CRYZL1: variants seen among roughly 807,000 people sequenced by gnomAD.
CRYZL1 encodes the protein crystallin zeta like 1.
A neutral mutation model predicts 50.6 loss-of-function variants in CRYZL1; 34 were observed. The ratio of observed to expected loss-of-function variants is 0.67; its 90% CI spans 0.51 to 0.89. CRYZL1 has a LOEUF of 0.89. CRYZL1 is among the 40% of genes least tolerant of loss of function. The probability of loss-of-function intolerance (pLI) is 0.00; values close to 1 mark genes in which losing one functional copy is unlikely to be tolerated. For missense variants in CRYZL1, 354 were observed against 402.3 expected, an observed-to-expected ratio of 0.88 and a Z score of 1.03; for synonymous variants, 125 against 134.3, an observed-to-expected ratio of 0.93 and a Z score of 0.48.
At chr21:33,636,973 A>AT (rs989134412) in intron 1 of CRYZL1, among the ~76,000 whole-genome samples, 5 of 152,224 alleles carry the variant, frequency 3.3e-5, no homozygotes, top group African/African-American at 9.6e-5. Flanking sequence ...CGCCCGGCTA[A>AT]TTTTTTGTAT....
chr21:33,640,218 A>G, intron 1 of CRYZL1: 1 of 1,546,810 alleles, frequency 6.5e-7, no homozygotes, highest in African/African-American at 1.4e-5. Context: ...AATCTTAGAA[A>G]TATTTCATTG....
intron 1 of CRYZL1, among the ~76,000 whole-genome samples, chr21:33,634,804 T>A (rs988364100): frequency 1.3e-5 from 2 of 151,574 alleles, no homozygotes; most frequent in African/African-American, 4.8e-5. Context: ...CCTTAGACTG[T>A]GCCCCAATTT....
intron 4 of CRYZL1, among the ~76,000 whole-genome samples, chr21:33,620,881 C>T (rs2145946698): frequency 7.1e-6 from 1 of 140,958 alleles, no homozygotes; most frequent in East Asian, 2.2e-4. Flanking sequence ...GTCGTGTACC[C>T]GTAGACCAGG....
intron 6 of CRYZL1, among the ~76,000 whole-genome samples, chr21:33,604,355 C>CAAAA (rs71194858): frequency 1.3e-4 from 9 of 69,616 alleles, no homozygotes; most frequent in Non-Finnish European, 1.8e-4. Flanking sequence ...GACTCCGTCT[C>CAAAA]AAAAAAAAAA....
intron 5 of CRYZL1, among the ~76,000 whole-genome samples, chr21:33,614,968 T>C (rs2086912320): frequency 6.6e-6 from 1 of 152,140 alleles, no homozygotes; most frequent in African/African-American, 2.4e-5. Context: ...AGAGTGCCAC[T>C]GATTTCCTGA....
chr21:33,597,140 A>G, intron 10 of CRYZL1, 140 bp downstream of exon 10: 1 of 771,608 alleles, frequency 1.3e-6, no homozygotes, highest in Non-Finnish European at 2.1e-6. Context: ...ATAGTGCTGG[A>G]CTCATAGGTG....
chr21:33,638,779 T>G (rs1411113306), intron 1 of CRYZL1, among the ~76,000 whole-genome samples: 1 of 152,154 alleles, frequency 6.6e-6, no homozygotes, highest in Non-Finnish European at 1.5e-5. Context: ...TATAAGAACT[T>G]TAGGCATTAT....
At chr21:33,610,727 GTT>G (rs747790692) in intron 6 of CRYZL1, among the ~76,000 whole-genome samples, 2 of 101,476 alleles carry the variant, frequency 2.0e-5, no homozygotes, top group Admixed American at 1.1e-4. Flanking sequence ...TTGTTTGGTT[GTT>G]TTTTTTTTTT....
chr21:33,619,338 C>A (rs1005966397), intron 4 of CRYZL1, among the ~76,000 whole-genome samples: 3 of 152,158 alleles, frequency 2.0e-5, no homozygotes, highest in African/African-American at 7.2e-5. Context: ...CCAACCAGTC[C>A]TCTTGCCTTT....
At chr21:33,636,773 T>C (rs2087211259) in intron 1 of CRYZL1, among the ~76,000 whole-genome samples, 1 of 152,182 alleles carries the variant, frequency 6.6e-6, no homozygotes, top group Non-Finnish European at 1.5e-5. Flanking sequence ...GAACTCCACT[T>C]GCTCCTCTGT....
intron 1 of CRYZL1, among the ~76,000 whole-genome samples, chr21:33,635,452 G>A (rs939051513): frequency 6.8e-6 from 1 of 146,328 alleles, no homozygotes; most frequent in African/African-American, 2.5e-5. Flanking sequence ...CTGGGTTCAC[G>A]CCATTCTCCT....
Position 33,589,881 on chromosome 21 carries a change from C to T in CRYZL1, c.991G>A (p.Val331Ile). Reference protein sequence around the residue: ...DEPIPLYEAKVSMEAVQKNQG... With the variant: ...DEPIPLYEAKISMEAVQKNQG... The stretch of plus-strand genomic sequence containing the variant: ...TTTTTCTGAACAGCTTCCATGGAAA[C>T]TTTTGCCTCATACAGTGGAATGGGT... The change falls in exon 13 of 13, where the codon GTT (valine) becomes ATT (isoleucine). Residue 331 changes from valine to isoleucine, a missense_variant. Physicochemically the swap from Val to Ile is conservative, Grantham distance 29. Transcript: ENST00000381554. 6.2e-7 allele frequency: 1 copy of T among 1,612,348 alleles called. No homozygotes were observed. Among genetic ancestry groups the T allele is most frequent in the Non-Finnish European group, 8.5e-7 (1 of 1,179,348 alleles).
intron 5 of CRYZL1, among the ~76,000 whole-genome samples, chr21:33,616,052 G>C (rs1341043089): frequency 6.6e-6 from 1 of 151,974 alleles, no homozygotes; most frequent in Non-Finnish European, 1.5e-5. Context: ...TCTAGCATTA[G>C]GTATATCTCC....
chr21:33,593,878 A>G (rs989822451), intron 11 of CRYZL1, among the ~76,000 whole-genome samples: 12 of 148,626 alleles, frequency 8.1e-5, no homozygotes, highest in Non-Finnish European at 1.6e-4. Flanking sequence ...CCAGCTACTC[A>G]GGAGGCTGAG....
chr21:33,612,569 G>A (rs1048377699), intron 6 of CRYZL1, among the ~76,000 whole-genome samples: 6 of 152,306 alleles, frequency 3.9e-5, no homozygotes, highest in Non-Finnish European at 8.8e-5. Flanking sequence ...GATCACAGGC[G>A]TGAGCCGCTG....
intron 1 of CRYZL1, chr21:33,640,092 C>T (rs907686907): frequency 6.6e-7 from 1 of 1,521,624 alleles, no homozygotes; most frequent in Non-Finnish European, 8.8e-7. Flanking sequence ...TCCCAAAGTG[C>T]TGGGATTACA....
chr21:33,640,184 T>C (rs1485264726), intron 1 of CRYZL1: 4 of 1,548,728 alleles, frequency 2.6e-6, no homozygotes, highest in East Asian at 2.5e-5. Context: ...TGTAGTTCAT[T>C]GGGTCTACAA....
chr21:33,618,414 G>A (rs1311987891), intron 4 of CRYZL1, among the ~76,000 whole-genome samples: 5 of 152,108 alleles, frequency 3.3e-5, no homozygotes, highest in Non-Finnish European at 5.9e-5. Context: ...GGAAAGGGGA[G>A]GAAAAAACTC....
At chr21:33,624,203 T>C (rs1209338332) in intron 3 of CRYZL1, among the ~76,000 whole-genome samples, 7 of 152,178 alleles carry the variant, frequency 4.6e-5, no homozygotes, top group Non-Finnish European at 8.8e-5. Context: ...ATGTCCCTTA[T>C]ATAGAAATAT....
Sources: gnomAD v4.1 joint callset for allele counts (sites outside exome capture counted in the v4.1 genomes callset) on GRCh38, gnomAD v4.1.1 for gene constraint, MANE v1.5 for transcripts, NCBI Gene and HGNC (gene_info 2026-07-23, HGNC 2026-07-21) for gene names.